The following PRSS56 variants were observed in gnomAD, a reference collection of about 807,000 sequenced individuals.
PRSS56 encodes the protein serine protease 56.
PRSS56 carries 55 observed loss-of-function variants against 66.8 expected under a neutral mutation model. That is an observed-to-expected ratio of 0.82 (90% CI 0.66 to 1.03). The LOEUF is 1.03. PRSS56 is among the 50% of genes least tolerant of loss of function. PRSS56 has a pLI of 0.00. For synonymous variants in PRSS56, 409 were observed against 387.9 expected, an observed-to-expected ratio of 1.05 and a Z score of -0.64; for missense variants, 869 against 837.2, an observed-to-expected ratio of 1.04 and a Z score of -0.47.
chr2:232,522,011 G>C lies in PRSS56; in HGVS notation c.297G>C (p.Thr99=), dbSNP rs905092922. Residue 99 remains threonine (T), a synonymous_variant, in exon 4 of 13, where the codon ACG becomes ACC. Coordinates refer to ENST00000617714, the MANE Select transcript of PRSS56 (RefSeq NM_001195129.2). ...GGCGTCCGAGCACTGCCAATGTGAC[G>C]CGGGCCCACGGCCGCATCGTGGGGG... ...GERRPSTANV[T]RAHGRIVGGS... 31 of 1,454,300 alleles carry C rather than the reference G, an allele frequency of 2.1e-5. No homozygotes were observed. In the African/African-American group the frequency reaches 3.9e-4, roughly 18 times the overall value. The allele number at this position is 1,454,300 out of a possible 1,614,324, so 90.1% of individuals were successfully genotyped here.
intron 7 of PRSS56, 67 bp downstream of exon 7, chr2:232,523,269 T>A: frequency 7.0e-7 from 1 of 1,423,102 alleles, no homozygotes; most frequent in Non-Finnish European, 9.2e-7. Flanking sequence ...CCTCTTTTCC[T>A]TCCACGTCTG....
At chr2:232,522,434 G>A in intron 4 of PRSS56, 81 bp from the exon 5 acceptor site, 1 of 1,243,366 alleles carries the variant, frequency 8.0e-7, no homozygotes, top group South Asian at 1.6e-5. Context: ...CCCGGCATGC[G>A]GGCGGAGGGG....
chr2:232,523,406 G>A lies in PRSS56; in HGVS notation c.850-10G>A. On this transcript the variant is annotated splice_polypyrimidine_tract_variant and intron_variant, in intron 7 of 12. Transcript: ENST00000617714. The stretch of plus-strand genomic sequence containing the variant: ...AGGTGAATGCAGCGTCCTCTCTCTT[G>A]GCCCCGCAGGGTGACTCGGGAGGCC... 1 of 1,438,290 alleles carries A rather than the reference G, an allele frequency of 7.0e-7. No individual in the cohort carries two copies. The highest frequency in any genetic ancestry group is 2.5e-5 in the East Asian group (1 of 39,556). 89.1% of individuals were successfully genotyped at this position (1,438,290 alleles called of 1,614,324 possible).
rs1386773939 is a variant in PRSS56 at position 232,523,885 on chromosome 2, T to C, written c.1126T>C (p.Ser376Pro). 1 of 1,526,388 alleles carries C rather than the reference T, an allele frequency of 6.6e-7. No homozygotes were observed. The highest frequency in any genetic ancestry group is 8.8e-7 in the Non-Finnish European group (1 of 1,141,888). The allele number at this position is 1,526,388 out of a possible 1,614,324, so 94.6% of individuals were successfully genotyped here. The stretch of plus-strand genomic sequence containing the variant: ...CTTCTATGCCCGCCTGTGCCCGGGG[T>C]CCCAGGGCGCCTGTGCGCGCCTGGC... ...CAFYARLCPG[S>P]QGACARLAHQ... The change falls in exon 9 of 13, where the codon TCC becomes CCC. Residue 376 changes from serine to proline, a missense_variant. Physicochemically the swap from Ser to Pro is moderately conservative, Grantham distance 74 (BLOSUM62 -1). This residue lies in a region of PRSS56 where 551 missense variants were observed against 506.9 expected (regional missense o/e 1.09). Transcript: ENST00000617714.
Position 232,524,143 on chromosome 2 carries a change from C to A in PRSS56, c.1291C>A (p.Pro431Thr). 2.0e-6 allele frequency: 3 copies of A among 1,513,184 alleles called. No homozygotes were observed. The African/African-American group carries it at 4.2e-5, about 21-fold the overall frequency. The allele number at this position is 1,513,184 out of a possible 1,614,324, so 93.7% of individuals were successfully genotyped here. ...GCGCCTGGCCCCCGCCCTGGCTCTC[C>A]CCGCTCCAGCGCTCAGGGAGTCTCC... ...LRRLAPALALPAPALRESPLH... is the reference protein window; with the variant it reads ...LRRLAPALALTAPALRESPLH... The change falls in exon 10 of 13, where the codon CCC becomes ACC. Residue 431 changes from proline (P) to threonine (T), a missense_variant. Physicochemically the swap from Pro to Thr is conservative, Grantham distance 38. Around this residue, in one of 3 missense-constraint regions of PRSS56, gnomAD observed 551 missense variants for 506.9 expected, o/e 1.09. Transcript: ENST00000617714.
chr2:232,523,126 G>C lies in PRSS56; in HGVS notation c.773G>C (p.Arg258Thr), dbSNP rs1691322404. 1 of 1,534,162 alleles carries C rather than the reference G, an allele frequency of 6.5e-7. No homozygotes were observed. Among genetic ancestry groups the C allele is most frequent in the South Asian group, 1.2e-5 (1 of 83,880 alleles). ...VPLLSTDTCR[R>T]ALGPGLRPST... ...CTGCTCAGCACCGACACCTGCCGAA[G>C]AGCCCTGGGGCCCGGGCTGCGCCCC... The change falls in exon 7 of 13, where the codon AGA becomes ACA. Residue 258 changes from arginine to threonine, a missense_variant. By Grantham distance (71) the Arg-to-Thr change is moderately conservative. This residue lies in a region of PRSS56 where 551 missense variants were observed against 506.9 expected (regional missense o/e 1.09). Coordinates refer to ENST00000617714, the MANE Select transcript of PRSS56 (RefSeq NM_001195129.2).
intron 8 of PRSS56, 60 bp from the exon 9 acceptor site, chr2:232,523,712 G>A: frequency 6.5e-7 from 1 of 1,530,672 alleles, no homozygotes; most frequent in Non-Finnish European, 8.7e-7. Context: ...TCCGGGGAAG[G>A]AGTGAGGGGG....
intron 5 of PRSS56, 44 bp downstream of exon 5, chr2:232,522,658 C>A: frequency 6.5e-7 from 1 of 1,532,522 alleles, no homozygotes; most frequent in Non-Finnish European, 8.7e-7. Flanking sequence ...GCACCGCACC[C>A]CCACCCGTGC....
Position 232,525,443 on chromosome 2 carries a change from C to A in PRSS56, c.1749C>A (p.Pro583=), listed in dbSNP as rs562713589. The stretch of plus-strand genomic sequence containing the variant: ...CCTGGATGGATGTAGGGCAGGGGCC[C>A]GGGCTGGAGAGGAAGGGGCACCACC... The part of the protein sequence containing the change: ...EGPWMDVGQG[P]GLERKGHHPL... Residue 583 remains proline, a synonymous_variant, in exon 13 of 13, where the codon CCC becomes CCA. Coordinates refer to ENST00000617714, the MANE Select transcript of PRSS56 (RefSeq NM_001195129.2). 1.3e-6 allele frequency: 2 copies of A among 1,528,828 alleles called. No individual in the cohort carries two copies. Among genetic ancestry groups the A allele is most frequent in the East Asian group, 2.5e-5 (1 of 40,670 alleles). The allele number at this position is 1,528,828 out of a possible 1,614,324, so 94.7% of individuals were successfully genotyped here. A position where few individuals can be genotyped will look rare whatever the true frequency, so the allele number is the denominator to read the frequency against.
intron 4 of PRSS56, 124 bp downstream of exon 4, chr2:232,522,284 C>G: frequency 1.0e-6 from 1 of 1,001,252 alleles, no homozygotes; most frequent in Admixed American, 4.2e-5. Context: ...GGCGGCCGGC[C>G]CCGGGCTTCC....
At chr2:232,524,010 C>A in intron 9 of PRSS56, 29 bp from the exon 10 acceptor site, 2 of 1,525,166 alleles carry the variant, frequency 1.3e-6, no homozygotes, top group Non-Finnish European at 1.7e-6. Flanking sequence ...AGCCTCTGAC[C>A]GCCGCTCCGA....
intron 8 of PRSS56, 33 bp from the exon 9 acceptor site, chr2:232,523,739 A>T (rs1691335986): frequency 6.5e-7 from 1 of 1,533,606 alleles, no homozygotes; most frequent in Admixed American, 2.0e-5. Context: ...CCCCAAACAG[A>T]GGGTGAGCTG....
At chr2:232,522,466 G>T in intron 4 of PRSS56, 49 bp from the exon 5 acceptor site, 1 of 1,444,740 alleles carries the variant, frequency 6.9e-7, no homozygotes. Context: ...AGGGGCCTGC[G>T]GGGTGTGCCC....
In PRSS56 at chr2:232,524,048, C is replaced by G. The variant is rs1183079329; in HGVS notation, c.1196C>G (p.Ser399Trp). Residue 399 changes from serine (S) to tryptophan (W), a missense_variant, in exon 10 of 13, where the codon TCG becomes TGG. Physicochemically the swap from Ser to Trp is radical, Grantham distance 177. Coordinates refer to ENST00000617714, the MANE Select transcript of PRSS56 (RefSeq NM_001195129.2). ...LQRRRRCELRSLAHTLLGLLR... is the reference protein window; with the variant it reads ...LQRRRRCELRWLAHTLLGLLR... Reference sequence around the variant, plus strand: ...CCTGTCCGGTCCGCAGAGCTGCGCTCGCTGGCGCACACGCTGCTGGGCCTG... The same window carrying G: ...CCTGTCCGGTCCGCAGAGCTGCGCTGGCTGGCGCACACGCTGCTGGGCCTG... 2 of 1,524,552 alleles carry G rather than the reference C, an allele frequency of 1.3e-6. No individual in the cohort carries two copies. The highest frequency in any genetic ancestry group is 2.4e-5 in the South Asian group (2 of 83,180). The allele number at this position is 1,524,552 out of a possible 1,614,324, so 94.4% of individuals were successfully genotyped here.
In PRSS56 at chr2:232,522,070, T is replaced by C; in HGVS notation, c.356T>C (p.Leu119Pro). 6.6e-7 allele frequency: 1 copy of C among 1,515,538 alleles called. No individual in the cohort carries two copies. Among genetic ancestry groups the C allele is most frequent in the Non-Finnish European group, 8.8e-7 (1 of 1,138,294 alleles). The allele number at this position is 1,515,538 out of a possible 1,614,324, so 93.9% of individuals were successfully genotyped here. The stretch of plus-strand genomic sequence containing the variant: ...GCGCCGCCCGGGGCCTGGCCCTGGC[T>C]GGTGAGGCTGCAGCTCGGCGGGCAG... ...SAAPPGAWPW[L>P]VRLQLGGQPL... The change falls in exon 4 of 13, where the codon CTG (leucine) becomes CCG (proline). Residue 119 changes from leucine (L) to proline (P), a missense_variant. Leu to Pro is a moderately conservative substitution (Grantham distance 98, BLOSUM62 -3). Around this residue, in one of 3 missense-constraint regions of PRSS56, gnomAD observed 315 missense variants for 313.7 expected, o/e 1.00. Coordinates refer to ENST00000617714, the MANE Select transcript of PRSS56 (RefSeq NM_001195129.2).
In PRSS56 at chr2:232,524,501, C is replaced by A. The variant is rs761633959; in HGVS notation, c.1414+132C>A. On this transcript the variant is annotated intron_variant, in intron 11 of 12. Coordinates refer to ENST00000617714, the MANE Select transcript of PRSS56 (RefSeq NM_001195129.2). ...CAGGGTGGACTCGTTCTCCCCTCCC[C>A]GCCATAGAGCGTATGACTCTTTTGG... 5.1e-5 allele frequency: 44 copies of A among 868,062 alleles called. No homozygotes were observed. The South Asian group carries it at 5.4e-4, about 11-fold the overall frequency. The allele number at this position is 868,062 out of a possible 1,614,324, so 53.8% of individuals were successfully genotyped here. A position where few individuals can be genotyped will look rare whatever the true frequency, so the allele number is the denominator to read the frequency against.
At position 232,523,936 on chromosome 2, in the gene PRSS56, C is replaced by T. The variant is rs1435246306; in HGVS notation, c.1177C>T (p.Arg393Trp). The change falls in exon 9 of 13, where the codon CGG (arginine) becomes TGG (tryptophan). Residue 393 changes from arginine (R) to tryptophan (W), a missense_variant. Around this residue, in one of 3 missense-constraint regions of PRSS56, gnomAD observed 551 missense variants for 506.9 expected, o/e 1.09. Coordinates refer to ENST00000617714, the MANE Select transcript of PRSS56 (RefSeq NM_001195129.2). ...GCACCAGCAGTGCCTGCAGCGCCGG[C>T]GGCGATGCGGTCAGTTCTGTTCACC... ...LAHQQCLQRR[R>W]RCELRSLAHT... 7.3e-6 allele frequency: 11 copies of T among 1,505,876 alleles called. No individual in the cohort carries two copies. Among genetic ancestry groups the T allele is most frequent in the African/African-American group, 2.8e-5 (2 of 71,190 alleles). The allele number at this position is 1,505,876 out of a possible 1,614,324, so 93.3% of individuals were successfully genotyped here.
At chr2:232,524,496 C>A in intron 11 of PRSS56, 127 bp downstream of exon 11, 2 of 915,808 alleles carry the variant, frequency 2.2e-6, no homozygotes, top group Non-Finnish European at 3.2e-6. Context: ...TCGTTCTCCC[C>A]TCCCCGCCAT....
At chr2:232,522,678 C>G (rs1303354084) in intron 5 of PRSS56, 24 bp from the exon 6 acceptor site, 2 of 1,533,468 alleles carry the variant, frequency 1.3e-6, no homozygotes, top group Non-Finnish European at 1.7e-6. Flanking sequence ...CTTCCTTGAC[C>G]CTGCGCCGCC....
Sources: gnomAD v4.1 joint callset for allele counts on GRCh38, gnomAD v4.1.1 for gene constraint, gnomAD v4.1.1 regional missense constraint, MANE v1.5 for transcripts, NCBI Gene and HGNC (gene_info 2026-07-23, HGNC 2026-07-21) for gene names.